The following SNAPC3 variants were observed in gnomAD, a reference collection of about 807,000 sequenced individuals.
SNAPC3 encodes snRNA-activating protein complex subunit 3.
A neutral mutation model predicts 47.7 loss-of-function variants in SNAPC3; 56 were observed. The observed-to-expected ratio is 1.18, with a 90% CI of 0.95 to 1.47. SNAPC3 has a LOEUF of 1.47. SNAPC3 is among the 40% of genes most tolerant of loss of function. The probability of loss-of-function intolerance (pLI) is 0.00; values close to 1 mark genes in which losing one functional copy is unlikely to be tolerated. For synonymous variants in SNAPC3, 235 were observed against 189.9 expected (o/e 1.24, Z -1.95); for missense variants, 665 against 511.3 (o/e 1.30, Z -2.90).
At chr9:15,433,764 C>G (rs1277827888) in intron 3 of SNAPC3, 128 bp downstream of exon 3, 2 of 547,300 alleles carry the variant, frequency 3.7e-6, no homozygotes, top group African/African-American at 3.9e-5. Flanking sequence ...ACTAGAGAAA[C>G]TCCTTTGAGT....
intron 5 of SNAPC3, among the ~76,000 whole-genome samples, chr9:15,448,264 A>G (rs2034098332): frequency 6.6e-6 from 1 of 151,940 alleles, no homozygotes; most frequent in African/African-American, 2.4e-5. Context: ...CTAGGCTGAC[A>G]TATAAGGCCT....
In SNAPC3 at chr9:15,453,051, G is replaced by A. The variant is rs1276383456; in HGVS notation, c.826G>A (p.Glu276Lys). The A allele has an allele frequency of 6.2e-7, 1 of 1,612,376 alleles. No individual in the cohort carries two copies. Among genetic ancestry groups the A allele is most frequent in the Non-Finnish European group, 8.5e-7 (1 of 1,179,190 alleles). Residue 276 changes from glutamate to lysine, a missense_variant, in exon 7 of 9, where the codon GAG (glutamate) becomes AAG (lysine). Glu to Lys is a moderately conservative substitution (Grantham distance 56). Transcript: ENST00000380821. ...ECRDLSRTIIEWSESHDRGYG... is the reference protein window; with the variant it reads ...ECRDLSRTIIKWSESHDRGYG... ...CTTTTCCCCCCTCAGAACTATCATTGAGTGGTCAGAGTCCCATGATAGAGG... is the reference window on the plus strand; with the variant it reads ...CTTTTCCCCCCTCAGAACTATCATTAAGTGGTCAGAGTCCCATGATAGAGG...
intron 2 of SNAPC3, among the ~76,000 whole-genome samples, chr9:15,424,782 C>T (rs551294764): frequency 1.3e-5 from 2 of 152,236 alleles, no homozygotes; most frequent in South Asian, 2.1e-4. Flanking sequence ...TTCATACTAC[C>T]TCAGCTATGT....
chr9:15,429,638 T>C (rs1278419335), intron 2 of SNAPC3, among the ~76,000 whole-genome samples: 1 of 152,008 alleles, frequency 6.6e-6, no homozygotes, highest in Non-Finnish European at 1.5e-5. Flanking sequence ...AGTAGAACAA[T>C]AATAGAAATA....
chr9:15,445,029 G>T (rs1023742451), intron 4 of SNAPC3, among the ~76,000 whole-genome samples: 10 of 152,104 alleles, frequency 6.6e-5, no homozygotes, highest in Non-Finnish European at 1.5e-4. Flanking sequence ...GGAATTCAAG[G>T]TTGTAAGCGA....
intron 2 of SNAPC3, among the ~76,000 whole-genome samples, chr9:15,426,944 C>G (rs1292361589): frequency 6.6e-6 from 1 of 152,164 alleles, no homozygotes; most frequent in Non-Finnish European, 1.5e-5. Context: ...AGACTTGTGG[C>G]AAAAGCCTAA....
intron 2 of SNAPC3, among the ~76,000 whole-genome samples, chr9:15,427,051 T>G (rs949628365): frequency 2.0e-5 from 3 of 152,256 alleles, no homozygotes; most frequent in African/African-American, 7.2e-5. Context: ...AAGTACATCA[T>G]TTCTTTATTA....
chr9:15,459,870 T>C lies in SNAPC3; in HGVS notation c.*4T>C. 1 of 1,604,072 alleles carries C rather than the reference T, an allele frequency of 6.2e-7. No homozygotes were observed. The highest frequency in any genetic ancestry group is 8.5e-7 in the Non-Finnish European group (1 of 1,177,208). On this transcript the variant is annotated 3_prime_UTR_variant, in exon 9 of 9. Transcript: ENST00000380821. ...TGATCCTGGAACCTTTAATTAAGAA[T>C]AGCTACACTCACAAAAATACCCCCT...
rs34074367 is a variant in SNAPC3, at chr9:15,428,111, C to CAA, written c.392+4146_392+4147dup. On this transcript the variant is annotated intron_variant, in intron 2 of 8. Transcript: ENST00000380821. ...GGGTGACACAGCGCAACTCTGTCTC[C>CAA]AAAAAAAAAAAAAAAAAAAAAACTG... Among the ~76,000 whole-genome samples the CAA allele has an allele frequency of 8.6e-3, 625 of 72,940 alleles. 6 individuals carry two copies. Among genetic ancestry groups the CAA allele is most frequent in the African/African-American group, 0.03 (558 of 18,386 alleles). 47.9% of individuals were successfully genotyped at this position (72,940 alleles called of 152,430 possible). A position where few individuals can be genotyped will look rare whatever the true frequency, so the allele number is the denominator to read the frequency against.
chr9:15,428,508 C>CAAA (rs397952770), intron 2 of SNAPC3, among the ~76,000 whole-genome samples: 21 of 129,202 alleles, frequency 1.6e-4, no homozygotes, highest in South Asian at 7.8e-4. Context: ...GACTCTGTCT[C>CAAA]AAAAAAAAAA....
chr9:15,459,441 C>T (rs544714731), intron 8 of SNAPC3, among the ~76,000 whole-genome samples: 1 of 152,212 alleles, frequency 6.6e-6, no homozygotes, highest in East Asian at 1.9e-4. Flanking sequence ...ATGTGTGATG[C>T]TTTCAAATAG....
rs758352388 is a variant in SNAPC3, at chr9:15,444,701, C to A, written c.577C>A (p.His193Asn). Residue 193 changes from histidine (H) to asparagine (N), a missense_variant, in exon 4 of 9, where the codon CAT becomes AAT. Physicochemically the swap from His to Asn is moderately conservative, Grantham distance 68. Transcript: ENST00000380821. ...SVNILYPVIF[H>N]KHKEHKPYQT... is the part of the protein sequence containing the mutation. The stretch of plus-strand genomic sequence containing the variant: ...GAATATCTTGTACCCTGTTATATTT[C>A]ATAAGGTAAGTAGTAAAACCTTTTG... The A allele has an allele frequency of 6.5e-7, 1 of 1,549,010 alleles. No individual in the cohort carries two copies. The highest frequency in any genetic ancestry group is 2.2e-5 in the East Asian group (1 of 44,580).
At chr9:15,435,847 T>TC (rs1347272387) in intron 3 of SNAPC3, among the ~76,000 whole-genome samples, 1 of 147,858 alleles carries the variant, frequency 6.8e-6, no homozygotes, top group Non-Finnish European at 1.5e-5. Flanking sequence ...TTTCTTTCTT[T>TC]TTTTTTTTTT....
intron 6 of SNAPC3, among the ~76,000 whole-genome samples, chr9:15,452,815 C>G (rs967350930): frequency 4.6e-5 from 7 of 152,174 alleles, no homozygotes; most frequent in African/African-American, 1.7e-4. Context: ...TGCATTTAAG[C>G]TAAAGTGATG....
intron 3 of SNAPC3, among the ~76,000 whole-genome samples, chr9:15,437,453 G>C (rs900018339): frequency 1.7e-4 from 26 of 150,830 alleles, no homozygotes; most frequent in African/African-American, 6.1e-4. Context: ...AGATGGTCTT[G>C]AACTCCTGAC....
intron 5 of SNAPC3, among the ~76,000 whole-genome samples, chr9:15,450,318 T>C (rs2034293625): frequency 6.6e-6 from 1 of 151,998 alleles, no homozygotes; most frequent in Non-Finnish European, 1.5e-5. Flanking sequence ...AGATAATCTG[T>C]AAGTGGGGGA....
At chr9:15,458,276 G>A (rs1377314307) in intron 8 of SNAPC3, among the ~76,000 whole-genome samples, 1 of 152,080 alleles carries the variant, frequency 6.6e-6, no homozygotes, top group Non-Finnish European at 1.5e-5. Context: ...CAAGTCCAGG[G>A]ATAGGTCAAA....
Position 15,423,959 on chromosome 9 carries a change from CGG to C in SNAPC3, c.366_367del (p.Asn124TyrfsTer2). On this transcript the variant is annotated frameshift_variant, in exon 2 of 9. Coordinates refer to ENST00000380821, the MANE Select transcript of SNAPC3 (RefSeq NM_001039697.2). LOFTEE classifies it high-confidence loss of function. ...GACGGTGAGGATCCAGAAGTCATTC[CGG>C]AGAATACTGACCTGGTGACTTTGGG... 6.3e-7 allele frequency: 1 copy of C among 1,585,686 alleles called. No homozygotes were observed.
chr9:15,459,832 C>T lies in SNAPC3; in HGVS notation c.1202C>T (p.Ala401Val). 1 of 1,613,712 alleles carries T rather than the reference C, an allele frequency of 6.2e-7. No homozygotes were observed. ...GGCAACAAACTGGGGGAATTCCTTG[C>T]TTATCCTTATGTTGATCCTGGAACC... ...SEGNKLGEFL[A>V]YPYVDPGTFN The change falls in exon 9 of 9, where the codon GCT (alanine) becomes GTT (valine). Residue 401 changes from alanine to valine, a missense_variant. Coordinates refer to ENST00000380821, the MANE Select transcript of SNAPC3 (RefSeq NM_001039697.2).
Sources: allele counts gnomAD v4.1 joint callset (sites outside exome capture counted in the v4.1 genomes callset), GRCh38; gene constraint gnomAD v4.1.1; transcripts MANE v1.5; gene names NCBI Gene and HGNC (gene_info 2026-07-23, HGNC 2026-07-21).